DENND1A: variants seen among roughly 807,000 people sequenced by gnomAD.
DENND1A encodes the protein DENN domain-containing protein 1A.
A neutral mutation model predicts 113.7 loss-of-function variants in DENND1A; 51 were observed. The ratio of observed to expected loss-of-function variants is 0.45; its 90% confidence interval spans 0.36 to 0.57. The LOEUF is 0.57. Ranked by LOEUF, DENND1A falls within the 20% of genes least tolerant of loss-of-function variation. The probability of loss-of-function intolerance (pLI) is 0.00; values close to 1 mark genes in which losing one functional copy is unlikely to be tolerated. For synonymous variants in DENND1A, 565 were observed against 570.8 expected, an observed-to-expected ratio of 0.99 and a Z score of 0.14; for missense variants, 1,258 against 1,395.9, an observed-to-expected ratio of 0.90 and a Z score of 1.57.
intron 13 of DENND1A, among the ~76,000 whole-genome samples, chr9:123,524,417 C>G (rs988728383): frequency 2.6e-5 from 4 of 152,182 alleles, no homozygotes; most frequent in African/African-American, 9.7e-5. Flanking sequence ...GCTGCAAACG[C>G]AAAAGCCTTC....
chr9:123,522,139 A>G (rs1386217805), intron 13 of DENND1A, among the ~76,000 whole-genome samples: 2 of 151,842 alleles, frequency 1.3e-5, no homozygotes, highest in East Asian at 3.9e-4. Context: ...TAATAAACCT[A>G]CCCCACAAAT....
chr9:123,564,330 C>T (rs2057931117), intron 12 of DENND1A, among the ~76,000 whole-genome samples: 1 of 152,250 alleles, frequency 6.6e-6, no homozygotes, highest in South Asian at 2.1e-4. Context: ...ACAATCCTAT[C>T]TATCTCTTTC....
intron 5 of DENND1A, among the ~76,000 whole-genome samples, chr9:123,739,192 T>C (rs2068800742): frequency 6.6e-6 from 1 of 151,838 alleles, no homozygotes; most frequent in Non-Finnish European, 1.5e-5. Flanking sequence ...ATTTGTGGAG[T>C]TTTCAGGGCT....
intron 5 of DENND1A, among the ~76,000 whole-genome samples, chr9:123,741,652 C>T (rs952500022): frequency 6.6e-6 from 1 of 152,182 alleles, no homozygotes; most frequent in African/African-American, 2.4e-5. Flanking sequence ...TCAGTCTCCT[C>T]AATGAGTAAA....
At chr9:123,401,635 G>T in intron 21 of DENND1A, 1 of 1,442,268 alleles carries the variant, frequency 6.9e-7, no homozygotes, top group Non-Finnish European at 9.1e-7. Flanking sequence ...TTTTCCAACA[G>T]AAGTAGAAAA....
intron 13 of DENND1A, among the ~76,000 whole-genome samples, chr9:123,489,812 C>T (rs1030376452): frequency 1.4e-4 from 22 of 152,160 alleles, no homozygotes; most frequent in Non-Finnish European, 4.4e-5. Flanking sequence ...TGGAAAAACA[C>T]GGGCTGAACA....
chr9:123,885,784 C>CT (rs912765689), intron 1 of DENND1A, among the ~76,000 whole-genome samples: 9 of 151,776 alleles, frequency 5.9e-5, no homozygotes, highest in South Asian at 2.1e-4. Flanking sequence ...GGACCATGTT[C>CT]TTTTTTTTTC....
At position 123,448,231 on chromosome 9, in the gene DENND1A, T is replaced by C. The variant is rs147043376; in HGVS notation, c.1356+2462A>G. On this transcript the variant is annotated intron_variant, in intron 18 of 23. Coordinates refer to ENST00000394215, the MANE Select transcript of DENND1A (RefSeq NM_001352964.2). ...TCAAGGAACAGAAAGGGAGAGAGAG[T>C]GGAAGGAAAGTGATCTAGATTGTTT... 6.3e-3 allele frequency among the ~76,000 whole-genome samples: 951 copies of C among 151,630 alleles called. 6 individuals carry two copies. Among genetic ancestry groups the C allele is most frequent in the Middle Eastern group, 0.027 (8 of 294 alleles).
chr9:123,435,329 G>C lies in DENND1A; in HGVS notation c.1488+5031C>G, dbSNP rs141720140. ...GGGATTGGCACTAAATGACCTGGCT[G>C]ATGACCCTGATGCCAGAATTCTCCA... On this transcript the variant is annotated intron_variant, in intron 19 of 23. Transcript: ENST00000394215. Among the ~76,000 whole-genome samples the C allele has an allele frequency of 1.8e-3, 280 of 152,272 alleles. 2 individuals carry two copies. Among genetic ancestry groups the C allele is most frequent in the African/African-American group, 6.2e-3 (256 of 41,556 alleles).
intron 3 of DENND1A, among the ~76,000 whole-genome samples, chr9:123,784,236 G>C (rs1831767660): frequency 6.6e-6 from 1 of 152,154 alleles, no homozygotes. Context: ...ATTTGGAGTT[G>C]ATCTTTAAGG....
At chr9:123,878,349 G>C (rs1207499665) in intron 2 of DENND1A, among the ~76,000 whole-genome samples, 1 of 131,836 alleles carries the variant, frequency 7.6e-6, no homozygotes, top group Non-Finnish European at 1.5e-5. Flanking sequence ...CATTAACCAA[G>C]AAAGATTTTA....
At chr9:123,880,364 G>T (rs1446032299) in intron 1 of DENND1A, among the ~76,000 whole-genome samples, 1 of 152,168 alleles carries the variant, frequency 6.6e-6, no homozygotes, top group East Asian at 1.9e-4. Flanking sequence ...TAGATAATAA[G>T]AATACTGTGG....
intron 21 of DENND1A, among the ~76,000 whole-genome samples, chr9:123,402,242 GCA>G (rs60657662): frequency 0.26 from 33,202 of 127,782 alleles, 3,698 homozygotes; most frequent in Non-Finnish European, 0.27. Context: ...GCGCACACGT[GCA>G]CACACACACA....
At chr9:123,825,042 C>T (rs899122912) in intron 2 of DENND1A, among the ~76,000 whole-genome samples, 2 of 151,920 alleles carry the variant, frequency 1.3e-5, no homozygotes, top group East Asian at 3.9e-4. Context: ...GGGCAAGAAG[C>T]AAGTTACCAT....
At chr9:123,854,421 C>T (rs923743878) in intron 2 of DENND1A, among the ~76,000 whole-genome samples, 2 of 152,162 alleles carry the variant, frequency 1.3e-5, no homozygotes, top group African/African-American at 4.8e-5. Context: ...TGAAGCTGGG[C>T]ACGGTGGTTC....
intron 13 of DENND1A, among the ~76,000 whole-genome samples, chr9:123,533,763 G>C (rs984571289): frequency 2.6e-5 from 4 of 152,170 alleles, no homozygotes; most frequent in Non-Finnish European, 4.4e-5. Context: ...GTCAGTAAAG[G>C]GTAAGGGCTG....
intron 1 of DENND1A, among the ~76,000 whole-genome samples, chr9:123,887,474 G>C (rs1319422432): frequency 1.3e-5 from 2 of 152,002 alleles, no homozygotes; most frequent in Non-Finnish European, 2.9e-5. Context: ...AGCACAGCTG[G>C]GCCTGGGGTG....
chr9:123,501,988 T>G (rs1288341143), intron 13 of DENND1A, among the ~76,000 whole-genome samples: 1 of 152,132 alleles, frequency 6.6e-6, no homozygotes, highest in South Asian at 2.1e-4. Context: ...CCTTTATATA[T>G]ATATATCTCT....
At chr9:123,899,256 A>G (rs1001180208) in intron 1 of DENND1A, among the ~76,000 whole-genome samples, 7 of 152,108 alleles carry the variant, frequency 4.6e-5, no homozygotes, top group Admixed American at 1.3e-4. Context: ...CAATCAACCA[A>G]ATTCATCCTT....
Sources: allele counts gnomAD v4.1 joint callset (sites outside exome capture counted in the v4.1 genomes callset), GRCh38; gene constraint gnomAD v4.1.1; transcripts MANE v1.5; gene names NCBI Gene and HGNC (gene_info 2026-07-23, HGNC 2026-07-21).